SHTN1: variants seen among roughly 807,000 people sequenced by gnomAD.
SHTN1 encodes shootin-1.
A neutral mutation model predicts 83.1 loss-of-function variants in SHTN1; 42 were observed. That is an observed-to-expected ratio of 0.51 (90% confidence interval 0.39 to 0.65). The LOEUF is 0.65. Ranked by LOEUF, SHTN1 falls within the 30% of genes least tolerant of loss-of-function variation. The pLI is 0.00. For missense variants in SHTN1, 622 were observed against 737.8 expected (o/e 0.84, Z 1.82); for synonymous variants, 224 against 247.7 (o/e 0.90, Z 0.90).
At chr10:116,986,712 T>C (rs1268326464) in intron 1 of SHTN1, among the ~76,000 whole-genome samples, 1 of 125,390 alleles carries the variant, frequency 8.0e-6, no homozygotes, top group Admixed American at 1.1e-4. Flanking sequence ...CAAAACCCAG[T>C]ATCCTTTTTT....
At position 117,045,384 on chromosome 10, in the gene SHTN1, GA is replaced by G. The variant is rs746436773; in HGVS notation, c.-123+3060del. Among the ~76,000 whole-genome samples the G allele has an allele frequency of 2.6e-5, 4 of 152,232 alleles. No homozygotes were observed. In the South Asian group the frequency reaches 8.3e-4, roughly 32 times the overall value. ...TCACAGCCCAGAGGCACAGGCTCACGAAAAAGCTGAGAACTAGTCACAGGAC... is the reference window on the plus strand; with the variant it reads ...TCACAGCCCAGAGGCACAGGCTCACGAAAAGCTGAGAACTAGTCACAGGAC... On this transcript the variant is annotated intron_variant, in intron 2 of 17. Coordinates refer to the SHTN1 transcript ENST00000392901.
intron 6 of SHTN1, among the ~76,000 whole-genome samples, chr10:116,950,990 T>C (rs1849756510): frequency 6.6e-6 from 1 of 152,144 alleles, no homozygotes; most frequent in African/African-American, 2.4e-5. Flanking sequence ...AGTTGGCACA[T>C]CAGTTGGGAA....
At chr10:117,122,799 TCAAC>T (rs951135227) in intron 1 of SHTN1, among the ~76,000 whole-genome samples, 4 of 152,176 alleles carry the variant, frequency 2.6e-5, no homozygotes, top group Admixed American at 1.3e-4. Flanking sequence ...GTGAGAACTC[TCAAC>T]CTCTTCATAT....
At chr10:117,081,165 G>GTGGGTT (rs1440350886) in intron 1 of SHTN1, among the ~76,000 whole-genome samples, 1 of 149,028 alleles carries the variant, frequency 6.7e-6, no homozygotes, top group Non-Finnish European at 1.5e-5. Context: ...GATATTGGCT[G>GTGGGTT]TGGGTTTGTC....
intron 1 of SHTN1, among the ~76,000 whole-genome samples, chr10:117,096,700 A>G (rs1164289073): frequency 6.6e-6 from 1 of 152,194 alleles, no homozygotes; most frequent in Non-Finnish European, 1.5e-5. Flanking sequence ...GCCCCTATTT[A>G]AAATGCAGCT....
chr10:117,047,824 C>T (rs766950909), intron 2 of SHTN1, among the ~76,000 whole-genome samples: 5 of 148,714 alleles, frequency 3.4e-5, no homozygotes, highest in Non-Finnish European at 5.9e-5. Flanking sequence ...ACCATGTTGG[C>T]CAGACTGGTC....
chr10:116,961,971 A>G (rs1051310653), intron 3 of SHTN1, among the ~76,000 whole-genome samples: 4 of 152,154 alleles, frequency 2.6e-5, no homozygotes, highest in Admixed American at 6.5e-5. Context: ...TCTTATCATT[A>G]TAACACAATG....
At chr10:116,955,100 CAAA>C (rs59777387) in intron 4 of SHTN1, among the ~76,000 whole-genome samples, 2 of 87,746 alleles carry the variant, frequency 2.3e-5, no homozygotes, top group East Asian at 3.1e-4. Flanking sequence ...TACTTCACAG[CAAA>C]AAAAAAAAAA....
At chr10:116,893,772 A>G (rs992621530) in intron 16 of SHTN1, among the ~76,000 whole-genome samples, 12 of 152,136 alleles carry the variant, frequency 7.9e-5, no homozygotes, top group Non-Finnish European at 1.5e-4. Flanking sequence ...CAACTAAATT[A>G]ATTTCCAGCT....
chr10:116,954,106 C>A lies in SHTN1; in HGVS notation c.372G>T (p.Ser124=), dbSNP rs878995662. 1 of 1,613,924 alleles carries A rather than the reference C, an allele frequency of 6.2e-7. No homozygotes were observed. Among genetic ancestry groups the A allele is most frequent in the Non-Finnish European group, 8.5e-7 (1 of 1,179,930 alleles). Residue 124 remains serine (S), a synonymous_variant, in exon 5 of 17, where the codon TCG becomes TCT. Coordinates refer to ENST00000355371, the MANE Select transcript of SHTN1 (RefSeq NM_001127211.3). ...CGGCGGCACCGTCTGTGTCTGTAGTCGAATCTTCATCATCAATGTTTATCT... is the reference window on the plus strand; with the variant it reads ...CGGCGGCACCGTCTGTGTCTGTAGTAGAATCTTCATCATCAATGTTTATCT... ...TEEINIDDED[S]TTDTDGAAET...
At chr10:116,941,212 T>C (rs957926162) in intron 8 of SHTN1, among the ~76,000 whole-genome samples, 2 of 152,234 alleles carry the variant, frequency 1.3e-5, no homozygotes, top group Admixed American at 6.5e-5. Flanking sequence ...CTGATTTACA[T>C]GCCCAAGCTC....
chr10:116,958,895 G>A (rs995374038), intron 4 of SHTN1, among the ~76,000 whole-genome samples: 12 of 152,132 alleles, frequency 7.9e-5, no homozygotes, highest in Admixed American at 1.3e-4. Flanking sequence ...CCACAAACCA[G>A]TGCCTTCCAT....
chr10:117,116,393 T>A (rs1853848304), intron 1 of SHTN1, among the ~76,000 whole-genome samples: 1 of 151,912 alleles, frequency 6.6e-6, no homozygotes, highest in African/African-American at 2.4e-5. Context: ...AACAAACCAG[T>A]AACAAGTAAT....
chr10:116,932,029 G>A (rs1564883329), intron 9 of SHTN1, among the ~76,000 whole-genome samples: 1 of 152,202 alleles, frequency 6.6e-6, no homozygotes, highest in East Asian at 1.9e-4. Context: ...CTTTACAATG[G>A]TGTGAAAGCG....
chr10:117,005,357 T>A, upstream of SHTN1: 1 of 1,242,194 alleles, frequency 8.1e-7, no homozygotes, highest in Non-Finnish European at 1.0e-6. Flanking sequence ...GCAGCCGCTA[T>A]GCCAGCCTGT....
chr10:116,976,384 G>A (rs1850808603), intron 2 of SHTN1, among the ~76,000 whole-genome samples: 1 of 152,146 alleles, frequency 6.6e-6, no homozygotes, highest in Admixed American at 6.5e-5. Flanking sequence ...TCATGACCTG[G>A]GGACAAAGAT....
chr10:117,006,810 T>C (rs1026913916), upstream of SHTN1, among the ~76,000 whole-genome samples: 60 of 152,012 alleles, frequency 3.9e-4, no homozygotes, highest in African/African-American at 1.4e-3. Flanking sequence ...CTCCATTTCT[T>C]GTGTTCATTT....
rs993319458 is a variant in SHTN1, at chr10:117,005,174, G to C, written c.-95C>G. Reference sequence around the variant, plus strand: ...AAAAAGCAAGATGCCGGTGGCTTGCGGCTCCACTACCCGGAAGTTGGATCC... The same window carrying C: ...AAAAAGCAAGATGCCGGTGGCTTGCCGCTCCACTACCCGGAAGTTGGATCC... On this transcript the variant is annotated 5_prime_UTR_variant, in exon 1 of 17. Coordinates refer to ENST00000355371, the MANE Select transcript of SHTN1 (RefSeq NM_001127211.3). 29 of 1,542,178 alleles carry C rather than the reference G, an allele frequency of 1.9e-5. No individual in the cohort carries two copies. Among genetic ancestry groups the C allele is most frequent in the Non-Finnish European group, 2.4e-5 (27 of 1,144,278 alleles).
chr10:117,067,509 C>A (rs1853019461), intron 1 of SHTN1, among the ~76,000 whole-genome samples: 1 of 152,076 alleles, frequency 6.6e-6, no homozygotes, highest in Non-Finnish European at 1.5e-5. Context: ...GCAGGATAAT[C>A]GCTTGAACCT....
Sources: allele counts gnomAD v4.1 joint callset (sites outside exome capture counted in the v4.1 genomes callset), GRCh38; gene constraint gnomAD v4.1.1; transcripts MANE v1.5; gene names NCBI Gene and HGNC (gene_info 2026-07-23, HGNC 2026-07-21).